The following WDR3 variants were observed in gnomAD, a reference collection of about 807,000 sequenced individuals.
The protein encoded by WDR3 is WD repeat domain 3.
In WDR3, 81 loss-of-function variants were observed where a neutral mutation model predicts 123.7. The observed-to-expected ratio is 0.65, with a 90% CI of 0.55 to 0.79. The LOEUF is 0.79. Ranked by LOEUF, WDR3 falls within the 30% of genes least tolerant of loss-of-function variation. WDR3 has a pLI of 0.00. For synonymous variants in WDR3, 390 were observed against 388.8 expected (o/e 1.00, Z -0.04); for missense variants, 1,027 against 1,123.2 (o/e 0.91, Z 1.22).
At position 117,956,048 on chromosome 1, in the gene WDR3, G is replaced by A. The variant is rs184291017; in HGVS notation, c.2453+690G>A. Reference sequence around the variant, plus strand: ...TTTGTTGCCAGTGTGTGAGCCAAAAGGTAATATTTTATTATTTTCATTTCT... The same window carrying A: ...TTTGTTGCCAGTGTGTGAGCCAAAAAGTAATATTTTATTATTTTCATTTCT... On this transcript the variant is annotated intron_variant, in intron 24 of 26. Transcript: ENST00000349139. Among the ~76,000 whole-genome samples the A allele has an allele frequency of 5.9e-5, 9 of 152,194 alleles. No individual in the cohort carries two copies. In the East Asian group the frequency reaches 1.7e-3, roughly 29 times the overall value.
Position 117,941,198 on chromosome 1 carries a change from C to T in WDR3, c.864C>T (p.Asp288=), listed in dbSNP as rs1466986782. 2 of 1,613,972 alleles carry T rather than the reference C, an allele frequency of 1.2e-6. No homozygotes were observed. Among genetic ancestry groups the T allele is most frequent in the Non-Finnish European group, 1.7e-6 (2 of 1,180,000 alleles). ...ACAGAGTTGTAAACCTTGCAGTCGA[C>T]AAGACAGGCAGGATTCTTGCTTGCC... ...GRDRVVNLAV[D]KTGRILACHG... The change falls in exon 8 of 27, where the codon GAC becomes GAT. Residue 288 remains aspartate (D), a synonymous_variant. Coordinates refer to ENST00000349139, the MANE Select transcript of WDR3 (RefSeq NM_006784.3).
In WDR3 at chr1:117,946,338, CTTTAT is replaced by C. The variant is rs199512972; in HGVS notation, c.1422+163_1422+167del. On this transcript the variant is annotated intron_variant, in intron 12 of 26. Transcript: ENST00000349139. ...ACATATTTTGTTTACTGAAGTTTTA[CTTTAT>C]TTTTTAAAAATTATGAAGAAGAAAA... 7.3e-3 allele frequency among the ~76,000 whole-genome samples: 1,113 copies of C among 152,164 alleles called. 12 individuals carry two copies. Among genetic ancestry groups the C allele is most frequent in the African/African-American group, 0.025 (1,035 of 41,500 alleles).
intron 11 of WDR3, among the ~76,000 whole-genome samples, chr1:117,943,889 C>G (rs1651273741): frequency 6.6e-6 from 1 of 151,928 alleles, no homozygotes; most frequent in African/African-American, 2.4e-5. Flanking sequence ...ATACTACCTA[C>G]TCTTTAAACT....
chr1:117,963,719 G>A lies in WDR3; in HGVS notation c.*4272G>A. 1 of 1,341,272 alleles carries A rather than the reference G, an allele frequency of 7.5e-7. No homozygotes were observed. The highest frequency in any genetic ancestry group is 1.0e-6 in the Non-Finnish European group (1 of 978,308). 83.1% of individuals were successfully genotyped at this position (1,341,272 alleles called of 1,614,324 possible). A position where few individuals can be genotyped will look rare whatever the true frequency, so the allele number is the denominator to read the frequency against. On this transcript the variant is annotated 3_prime_UTR_variant, in exon 27 of 27. Transcript: ENST00000349139. Reference sequence around the variant, plus strand: ...GTGGCTTATAGGTTTCTGACTATAAGAAGAGGGGAAGAAACCTGGGGTCTA... The same window carrying A: ...GTGGCTTATAGGTTTCTGACTATAAAAAGAGGGGAAGAAACCTGGGGTCTA...
chr1:117,945,298 C>A (rs1651333793), intron 11 of WDR3, among the ~76,000 whole-genome samples: 1 of 152,142 alleles, frequency 6.6e-6, no homozygotes, highest in Non-Finnish European at 1.5e-5. Flanking sequence ...TCTCTTACTA[C>A]TCTCCTTTTC....
intron 4 of WDR3, among the ~76,000 whole-genome samples, chr1:117,938,181 C>G (rs113560677): frequency 8.5e-5 from 13 of 152,200 alleles, no homozygotes; most frequent in African/African-American, 3.1e-4. Flanking sequence ...AATGCCAGTG[C>G]TGTGATGATG....
chr1:117,947,256 A>T (rs1651443424), intron 12 of WDR3, among the ~76,000 whole-genome samples: 1 of 152,254 alleles, frequency 6.6e-6, no homozygotes, highest in African/African-American at 2.4e-5. Context: ...TGATTGTACC[A>T]GTAGTGAGAA....
chr1:117,957,301 A>G, intron 25 of WDR3, 105 bp downstream of exon 25: 1 of 1,376,794 alleles, frequency 7.3e-7, no homozygotes, highest in South Asian at 1.6e-5. Context: ...AGTATGCCGA[A>G]CTCGGTGGCT....
intron 1 of WDR3, among the ~76,000 whole-genome samples, chr1:117,931,479 AGAGGGGTACCAGAAGTAAG>A (rs1404748718): frequency 6.6e-6 from 1 of 152,206 alleles, no homozygotes; most frequent in Non-Finnish European, 1.5e-5. Flanking sequence ...AGAAGAAAAG[AGAGGGGTACCAGAAGTAAG>A]GTAGGCTTGG....
At position 117,960,923 on chromosome 1, in the gene WDR3, C is replaced by G. The variant is rs1269559212; in HGVS notation, c.*1476C>G. 2.0e-5 allele frequency: 3 copies of G among 152,122 alleles called. No individual in the cohort carries two copies. The highest frequency in any genetic ancestry group is 4.4e-5 in the Non-Finnish European group (3 of 68,006). The allele number at this position is 152,122 out of a possible 1,614,324, so 9.4% of individuals were successfully genotyped here. On this transcript the variant is annotated 3_prime_UTR_variant, in exon 27 of 27. Coordinates refer to ENST00000349139, the MANE Select transcript of WDR3 (RefSeq NM_006784.3). ...CATTCATGATATAACTACTTTTTTC[C>G]TAATTTTTTTCATCTGAAACTTTTC...
intron 13 of WDR3, among the ~76,000 whole-genome samples, chr1:117,949,507 T>C (rs1281951991): frequency 6.6e-6 from 1 of 152,228 alleles, no homozygotes; most frequent in Non-Finnish European, 1.5e-5. Flanking sequence ...TAGATAATAG[T>C]ATAACTAGAA....
At chr1:117,942,330 C>G in intron 9 of WDR3, 107 bp from the exon 10 acceptor site, 3 of 873,738 alleles carry the variant, frequency 3.4e-6, no homozygotes, top group Non-Finnish European at 5.6e-6. Context: ...GTGACTTTTC[C>G]AGAATAACAC....
At position 117,963,684 on chromosome 1, in the gene WDR3, T is replaced by C; in HGVS notation, c.*4237T>C. The C allele has an allele frequency of 1.0e-6, 1 of 982,102 alleles. No individual in the cohort carries two copies. Among genetic ancestry groups the C allele is most frequent in the Non-Finnish European group, 1.5e-6 (1 of 682,312 alleles). 60.8% of individuals were successfully genotyped at this position (982,102 alleles called of 1,614,324 possible). A position where few individuals can be genotyped will look rare whatever the true frequency, so the allele number is the denominator to read the frequency against. ...CGGCCTAAACAAATATTTTCATTCA[T>C]TCAGGCCAGGTGGCTTATAGGTTTC... On this transcript the variant is annotated 3_prime_UTR_variant, in exon 27 of 27. Coordinates refer to ENST00000349139, the MANE Select transcript of WDR3 (RefSeq NM_006784.3).
chr1:117,954,099 G>A lies in WDR3; in HGVS notation c.2361G>A (p.Glu787=), dbSNP rs567763011. The A allele has an allele frequency of 5.0e-6, 8 of 1,610,574 alleles. No homozygotes were observed. In the South Asian group the frequency reaches 8.8e-5, roughly 18 times the overall value. The part of the protein sequence containing the change: ...HKAICKAAGK[E]VPLPSNPILM... ...CCATTTGTAAAGCTGCAGGGAAAGA[G>A]GTAATAAGAGAGTACAGTAAGTTAC... The change falls in exon 22 of 27, where the codon GAG becomes GAA. Residue 787 remains glutamate, a splice_region_variant and synonymous_variant. Coordinates refer to ENST00000349139, the MANE Select transcript of WDR3 (RefSeq NM_006784.3).
Position 117,957,086 on chromosome 1 carries a change from A to G in WDR3, c.2472A>G (p.Leu824=). 1 of 1,598,780 alleles carries G rather than the reference A, an allele frequency of 6.3e-7. No individual in the cohort carries two copies. Among genetic ancestry groups the G allele is most frequent in the East Asian group, 2.3e-5 (1 of 43,770 alleles). Residue 824 remains leucine, a synonymous_variant, in exon 25 of 27, where the codon CTA becomes CTG. Transcript: ENST00000349139. ...TTTTCAGTGAGCTGGAAGAATCTCT[A>G]CTTGTGCTGCCTTTCTCTTATGTCC... is the stretch of plus-strand genomic sequence containing the variant. ...GIKSSELEES[L]LVLPFSYVPD...
At chr1:117,945,971 A>G (rs963499172) in intron 11 of WDR3, 115 bp from the exon 12 acceptor site, 1 of 617,546 alleles carries the variant, frequency 1.6e-6, no homozygotes, top group African/African-American at 1.9e-5. Context: ...GGTTTTTAAG[A>G]CTTTTATCTT....
Position 117,952,050 on chromosome 1 carries a change from C to T in WDR3, c.1878C>T (p.His626=), listed in dbSNP as rs746080767. 6.2e-7 allele frequency: 1 copy of T among 1,613,372 alleles called. No homozygotes were observed. Among genetic ancestry groups the T allele is most frequent in the Non-Finnish European group, 8.5e-7 (1 of 1,179,426 alleles). ...KIWGLDFGDC[H]KSLFAHDDSV... ...GGGGTTTGGACTTTGGGGACTGCCA[C>T]AAGTCTCTCTTTGCACATGATGACA... Residue 626 remains histidine, a synonymous_variant, in exon 17 of 27, where the codon CAC becomes CAT. Coordinates refer to ENST00000349139, the MANE Select transcript of WDR3 (RefSeq NM_006784.3).
At chr1:117,940,243 A>G (rs1651094135) in intron 6 of WDR3, among the ~76,000 whole-genome samples, 1 of 152,210 alleles carries the variant, frequency 6.6e-6, no homozygotes, top group Admixed American at 6.5e-5. Context: ...GTCACTAAAC[A>G]GTAGTCCTTA....
intron 21 of WDR3, 80 bp from the exon 22 acceptor site, chr1:117,953,927 C>T: frequency 1.7e-6 from 2 of 1,208,968 alleles, no homozygotes; most frequent in Middle Eastern, 2.0e-4. Context: ...TGGCAAATTT[C>T]TGGTCAGTTC....
Sources: gnomAD v4.1 joint callset for allele counts (sites outside exome capture counted in the v4.1 genomes callset) on GRCh38, gnomAD v4.1.1 for gene constraint, MANE v1.5 for transcripts, NCBI Gene and HGNC (gene_info 2026-07-23, HGNC 2026-07-21) for gene names.